TTYH3: variants seen among roughly 807,000 people sequenced by gnomAD.
The protein encoded by TTYH3 is protein tweety homolog 3.
In TTYH3, 23 loss-of-function variants were observed where a neutral mutation model predicts 68.2. That is an observed-to-expected ratio of 0.34 (90% CI 0.24 to 0.48). The LOEUF is 0.48. Ranked by LOEUF, TTYH3 falls within the 20% of genes least tolerant of loss-of-function variation. TTYH3 has a pLI of 0.99. For missense variants in TTYH3, 768 were observed against 727.7 expected, an observed-to-expected ratio of 1.06 and a Z score of -0.64; for synonymous variants, 360 against 332.8, an observed-to-expected ratio of 1.08 and a Z score of -0.89.
At position 2,656,446 on chromosome 7, in the gene TTYH3, C is replaced by T. The variant is rs748869158; in HGVS notation, c.1162C>T (p.Leu388Phe). The T allele has an allele frequency of 1.9e-6, 3 of 1,611,882 alleles. No individual in the cohort carries two copies. Among genetic ancestry groups the T allele is most frequent in the Non-Finnish European group, 2.5e-6 (3 of 1,179,776 alleles). The change falls in exon 11 of 14, where the codon CTC becomes TTC. Residue 388 changes from leucine (L) to phenylalanine (F), a missense_variant. Physicochemically the swap from Leu to Phe is conservative, Grantham distance 22. Coordinates refer to ENST00000258796, the MANE Select transcript of TTYH3 (RefSeq NM_025250.3). Reference sequence around the variant, plus strand: ...CTTCTGCTATGACGGCGTGGAGGGCCTCATCTACCTGGCCCTCTTCTCCTT... The same window carrying T: ...CTTCTGCTATGACGGCGTGGAGGGCTTCATCTACCTGGCCCTCTTCTCCTT... ...TGFCYDGVEG[L>F]IYLALFSFVT...
At chr7:2,652,157 A>T (rs779161177) in intron 7 of TTYH3, 30 bp from the exon 8 acceptor site, 2 of 1,608,874 alleles carry the variant, frequency 1.2e-6, no homozygotes, top group Admixed American at 1.7e-5. Flanking sequence ...CAGCTGTTGC[A>T]GCTCAGCCTT....
chr7:2,641,897 C>G (rs1345934337), intron 1 of TTYH3, among the ~76,000 whole-genome samples: 1 of 152,244 alleles, frequency 6.6e-6, no homozygotes, highest in African/African-American at 2.4e-5. Flanking sequence ...AGCACCCTGA[C>G]ACCCAGGCTC....
intron 9 of TTYH3, among the ~76,000 whole-genome samples, 181 bp from the exon 10 acceptor site, chr7:2,655,911 C>T (rs1420225774): frequency 6.6e-6 from 1 of 152,122 alleles, no homozygotes; most frequent in East Asian, 1.9e-4. Context: ...CCTGGGGTCA[C>T]CATTTCTCAA....
In TTYH3 at chr7:2,645,740, C is replaced by T. The variant is rs1440067000; in HGVS notation, c.124-1113C>T. 2.1e-6 allele frequency: 1 copy of T among 469,998 alleles called. No individual in the cohort carries two copies. Among genetic ancestry groups the T allele is most frequent in the African/African-American group, 2.0e-5 (1 of 50,040 alleles). 29.1% of individuals were successfully genotyped at this position (469,998 alleles called of 1,614,324 possible). A position where few individuals can be genotyped will look rare whatever the true frequency, so the allele number is the denominator to read the frequency against. On this transcript the variant is annotated intron_variant, in intron 1 of 13. Coordinates refer to ENST00000258796, the MANE Select transcript of TTYH3 (RefSeq NM_025250.3). This position sits in a 1 kb window ranked among gnomAD's most constrained non-coding sequence, Gnocchi z 4.8. ...ACAGACCCCAGACAGGATCAGACTC[C>T]TGATGGGGCCTCTTCCATGTTCACC...
In TTYH3 at chr7:2,653,710, T is replaced by C. The variant is rs962868609; in HGVS notation, c.1020+700T>C. 9.0e-4 allele frequency among the ~76,000 whole-genome samples: 137 copies of C among 152,048 alleles called. 2 individuals carry two copies. Among genetic ancestry groups the C allele is most frequent in the East Asian group, 2.5e-3 (13 of 5,164 alleles). On this transcript the variant is annotated intron_variant, in intron 9 of 13. Transcript: ENST00000258796. The stretch of plus-strand genomic sequence containing the variant: ...AAACACCATTTCTACTAAAAATACA[T>C]AAATTAGCTGGGCGTGGTGGTACAC...
Position 2,647,562 on chromosome 7 carries a change from G to A in TTYH3, c.550G>A (p.Ala184Thr), listed in dbSNP as rs772341602. The A allele has an allele frequency of 1.9e-6, 3 of 1,562,788 alleles. No individual in the cohort carries two copies. The highest frequency in any genetic ancestry group is 2.4e-5 in the East Asian group (1 of 41,832). ...LLETLLGYTAAIPFWRNTAVS... is the reference protein window; with the variant it reads ...LLETLLGYTATIPFWRNTAVS... ...GGAGACGCTGCTGGGCTACACGGCC[G>A]CCATCCCCTTTTGGAGGAACACGGC... The change falls in exon 4 of 14, where the codon GCC becomes ACC. Residue 184 changes from alanine to threonine, a missense_variant. Transcript: ENST00000258796.
chr7:2,634,611 C>T (rs1785610423), intron 1 of TTYH3, among the ~76,000 whole-genome samples: 1 of 151,738 alleles, frequency 6.6e-6, no homozygotes, highest in South Asian at 2.1e-4. Context: ...GGGGGTGTGG[C>T]ACGGGGGACT....
Position 2,663,573 on chromosome 7 carries a change from C to A in TTYH3, c.*1834C>A. 6.5e-6 allele frequency: 1 copy of A among 152,780 alleles called. No homozygotes were observed. Among genetic ancestry groups the A allele is most frequent in the Non-Finnish European group, 1.5e-5 (1 of 68,174 alleles). The allele number at this position is 152,780 out of a possible 1,614,324, so 9.5% of individuals were successfully genotyped here. A position where few individuals can be genotyped will look rare whatever the true frequency, so the allele number is the denominator to read the frequency against. On this transcript the variant is annotated 3_prime_UTR_variant, in exon 14 of 14. Coordinates refer to ENST00000258796, the MANE Select transcript of TTYH3 (RefSeq NM_025250.3). ...TTCTGAGCCCCCCTCGGAGGCCCCG[C>A]CACAGCCAACCTGCCCAGTCTTTCC... is the stretch of plus-strand genomic sequence containing the variant.
chr7:2,638,201 C>G (rs981180051), intron 1 of TTYH3, among the ~76,000 whole-genome samples: 1 of 152,044 alleles, frequency 6.6e-6, no homozygotes, highest in African/African-American at 2.4e-5. Context: ...GGTCTGAGGC[C>G]TGGGGCCCGG....
At chr7:2,635,657 G>A (rs542717344) in intron 1 of TTYH3, among the ~76,000 whole-genome samples, 1 of 152,316 alleles carries the variant, frequency 6.6e-6, no homozygotes, top group South Asian at 2.1e-4. Flanking sequence ...CAGAGGGTTA[G>A]GATTTGCCTG....
chr7:2,656,021 G>T, intron 9 of TTYH3, 71 bp from the exon 10 acceptor site: 3 of 1,283,498 alleles, frequency 2.3e-6, no homozygotes, highest in Non-Finnish European at 2.2e-6. Flanking sequence ...GGGCTTCCCA[G>T]ATGGGGCGAG....
At chr7:2,637,566 G>T (rs986857754) in intron 1 of TTYH3, among the ~76,000 whole-genome samples, 1 of 151,896 alleles carries the variant, frequency 6.6e-6, no homozygotes, top group Non-Finnish European at 1.5e-5. Context: ...GGGCTCAGGG[G>T]CATCTACACT....
At chr7:2,659,898 TC>T (rs1402601198) in intron 13 of TTYH3, 1 of 1,284,654 alleles carries the variant, frequency 7.8e-7, no homozygotes, top group African/African-American at 1.5e-5. Flanking sequence ...ACACTCTCTC[TC>T]TCTCTCTCTC....
rs1388442082 is a variant in TTYH3 at position 2,650,021 on chromosome 7, G to T, written c.871+33G>T. ...TGTGTCCACGGCCGTGTCCCAGCGG[G>T]TTCCCCAGGGTTGGGCTGAGCCAAA... On this transcript the variant is annotated intron_variant, in intron 7 of 13. Coordinates refer to ENST00000258796, the MANE Select transcript of TTYH3 (RefSeq NM_025250.3). 1.9e-6 allele frequency: 3 copies of T among 1,611,878 alleles called. No individual in the cohort carries two copies. The East Asian group carries it at 6.7e-5, about 36-fold the overall frequency.
intron 1 of TTYH3, among the ~76,000 whole-genome samples, chr7:2,640,743 G>C (rs1480177201): frequency 6.6e-6 from 1 of 152,052 alleles, no homozygotes; most frequent in Non-Finnish European, 1.5e-5. Flanking sequence ...CGGCAGGCGT[G>C]GGGCACAGGC....
At chr7:2,632,386 C>T (rs937914155) in intron 1 of TTYH3, 108 bp downstream of exon 1, 3 of 1,201,336 alleles carry the variant, frequency 2.5e-6, no homozygotes, top group South Asian at 3.8e-5. Context: ...CCCTCATCCC[C>T]CCCTCCAGGG....
chr7:2,658,689 A>G (rs1786407027), intron 12 of TTYH3, among the ~76,000 whole-genome samples: 1 of 152,216 alleles, frequency 6.6e-6, no homozygotes, highest in Non-Finnish European at 1.5e-5. Flanking sequence ...CTCTGTGGCC[A>G]AGGACCTCAG....
intron 7 of TTYH3, among the ~76,000 whole-genome samples, chr7:2,650,515 T>C (rs1424810310): frequency 6.6e-6 from 1 of 151,010 alleles, no homozygotes; most frequent in Non-Finnish European, 1.5e-5. Context: ...GAGGTGGAGG[T>C]TGCAATGAGC....
rs750191327 is a variant in TTYH3, at chr7:2,643,465, G to T, written c.124-3388G>T. 2.0e-5 allele frequency among the ~76,000 whole-genome samples: 3 copies of T among 151,996 alleles called. 1 individual carries two copies. In the East Asian group the frequency reaches 5.8e-4, roughly 29 times the overall value. On this transcript the variant is annotated intron_variant, in intron 1 of 13. Coordinates refer to ENST00000258796, the MANE Select transcript of TTYH3 (RefSeq NM_025250.3). ...CCAGCAGGCTTCACAGTTCACTTACGATGATGCTGAGTGCCTGTGTTCCCT... is the reference window on the plus strand; with the variant it reads ...CCAGCAGGCTTCACAGTTCACTTACTATGATGCTGAGTGCCTGTGTTCCCT...
Sources: gnomAD v4.1 joint callset for allele counts (sites outside exome capture counted in the v4.1 genomes callset) on GRCh38, gnomAD v4.1.1 for gene constraint, Gnocchi (gnomAD v3.1) non-coding constraint, MANE v1.5 for transcripts, NCBI Gene and HGNC (gene_info 2026-07-23, HGNC 2026-07-21) for gene names.